Variants in TRIML2 observed in about 807,000 individuals in gnomAD.
TRIML2 encodes probable E3 ubiquitin-protein ligase TRIML2.
A neutral mutation model predicts 31.2 loss-of-function variants in TRIML2; 28 were observed. That is an observed-to-expected ratio of 0.90 (90% CI 0.66 to 1.23). TRIML2 has a LOEUF of 1.23. Ranked by LOEUF, TRIML2 falls within the 50% of genes most tolerant of loss-of-function variation. The pLI, the probability that TRIML2 is intolerant of heterozygous loss-of-function variation, is 0.00. For missense variants in TRIML2, 536 were observed against 528.3 expected, an observed-to-expected ratio of 1.01 and a Z score of -0.14; for synonymous variants, 187 against 197.5, an observed-to-expected ratio of 0.95 and a Z score of 0.45.
intron 7 of TRIML2, among the ~76,000 whole-genome samples, chr4:188,095,924 T>G (rs11132517): frequency 6.6e-6 from 1 of 152,202 alleles, no homozygotes; most frequent in Non-Finnish European, 1.5e-5. Flanking sequence ...TGCAGTATGC[T>G]GTCAGCCTCG....
chr4:188,091,297 G>A lies in TRIML2; in HGVS notation c.*76C>T, dbSNP rs1298225924. 46 of 1,440,074 alleles carry A rather than the reference G, an allele frequency of 3.2e-5. No homozygotes were observed. Among genetic ancestry groups the A allele is most frequent in the Non-Finnish European group, 4.3e-5 (45 of 1,055,518 alleles). The allele number at this position is 1,440,074 out of a possible 1,614,324, so 89.2% of individuals were successfully genotyped here. A position where few individuals can be genotyped will look rare whatever the true frequency, so the allele number is the denominator to read the frequency against. ...TCCTGGAACGCTTTTTATTGGGTTAGTTTACACAAATTCTTTCAAAGTCTT... is the reference window on the plus strand; with the variant it reads ...TCCTGGAACGCTTTTTATTGGGTTAATTTACACAAATTCTTTCAAAGTCTT... On this transcript the variant is annotated 3_prime_UTR_variant, in exon 8 of 8. Coordinates refer to ENST00000682553, the MANE Select transcript of TRIML2 (RefSeq NM_173553.4).
chr4:188,101,053 C>T lies in TRIML2; in HGVS notation c.480+3G>A, dbSNP rs1733762159. ...TATGAGGATGTTGTTTTCAATATCT[C>T]ACCTGTAGCATTTCCTGGAACATCT... On this transcript the variant is annotated splice_donor_region_variant and intron_variant, in intron 4 of 7. Transcript: ENST00000682553. The T allele has an allele frequency of 1.9e-6, 3 of 1,601,034 alleles. No homozygotes were observed. Among genetic ancestry groups the T allele is most frequent in the Non-Finnish European group, 1.7e-6 (2 of 1,172,298 alleles).
rs754893889 is a variant in TRIML2 at position 188,099,036 on chromosome 4, T to C, written c.620A>G (p.Lys207Arg). 4 of 1,614,060 alleles carry C rather than the reference T, an allele frequency of 2.5e-6. No individual in the cohort carries two copies. Among genetic ancestry groups the C allele is most frequent in the Non-Finnish European group, 3.4e-6 (4 of 1,180,028 alleles). The stretch of plus-strand genomic sequence containing the variant: ...ATTTTCTTTTTCCCAGCATCTTACC[T>C]TGAGCAATGCCAAGGTGCCTTCCCC... ...KCGEGTLALL[K>R]NAKYSLERSK... Residue 207 changes from lysine to arginine, a missense_variant and splice_region_variant, in exon 5 of 8, where the codon AAG becomes AGG. Physicochemically the swap from Lys to Arg is conservative, Grantham distance 26 (BLOSUM62 2). Transcript: ENST00000682553.
chr4:188,102,836 C>T (rs190817472), intron 3 of TRIML2, among the ~76,000 whole-genome samples: 1,552 of 140,958 alleles, frequency 0.011, 32 homozygotes, highest in African/African-American at 0.038. Flanking sequence ...GTAACAAGAA[C>T]GAAACTTCAT....
Position 188,105,346 on chromosome 4 carries a change from T to C in TRIML2, c.23A>G (p.Gln8Arg). The change falls in exon 2 of 8, where the codon CAG becomes CGG. Residue 8 changes from glutamine (Q) to arginine (R), a missense_variant. Physicochemically the swap from Gln to Arg is conservative, Grantham distance 43 (BLOSUM62 1). Coordinates refer to ENST00000682553, the MANE Select transcript of TRIML2 (RefSeq NM_173553.4). The part of the protein sequence containing the change: MSKRLSP[Q>R]LQHNITEDAY... The stretch of plus-strand genomic sequence containing the variant: ...ATCTTCTGTGATGTTGTGCTGTAAC[T>C]GAGGGCTGAGCCTTTTGGACATCCT... 4 of 1,590,462 alleles carry C rather than the reference T, an allele frequency of 2.5e-6. No homozygotes were observed. The highest frequency in any genetic ancestry group is 3.4e-6 in the Non-Finnish European group (4 of 1,164,930).
chr4:188,107,713 C>G (rs982503980), intron 1 of TRIML2, among the ~76,000 whole-genome samples: 1 of 152,260 alleles, frequency 6.6e-6, no homozygotes, highest in South Asian at 2.1e-4. Flanking sequence ...TGCTAAAAAA[C>G]CATTTTCACT....
intron 5 of TRIML2, among the ~76,000 whole-genome samples, 177 bp from the exon 6 acceptor site, chr4:188,097,523 G>A (rs1358367911): frequency 1.3e-5 from 2 of 152,136 alleles, no homozygotes; most frequent in Non-Finnish European, 2.9e-5. Context: ...TCAGAAAAAT[G>A]CATGAAATCA....
At chr4:188,106,200 C>A (rs1294673233) in intron 1 of TRIML2, among the ~76,000 whole-genome samples, 2 of 119,042 alleles carry the variant, frequency 1.7e-5, no homozygotes, top group Non-Finnish European at 3.4e-5. Context: ...CAGGCGCCCG[C>A]CACCTCGCCC....
intron 3 of TRIML2, among the ~76,000 whole-genome samples, chr4:188,103,235 C>G (rs1193956000): frequency 6.6e-6 from 1 of 151,904 alleles, no homozygotes; most frequent in South Asian, 2.1e-4. Flanking sequence ...CTCCTGACCT[C>G]GTGATCCGCC....
intron 5 of TRIML2, chr4:188,098,123 G>GGGA (rs1553995259): frequency 1.4e-5 from 3 of 209,476 alleles, no homozygotes; most frequent in African/African-American, 8.3e-5. Flanking sequence ...CCGTCTCGGG[G>GGGA]AAAAAAAAAA....
rs1733960867 is a variant in TRIML2, at chr4:188,104,915, T to C, written c.207A>G (p.Ile69Met). 6.2e-7 allele frequency: 1 copy of C among 1,613,838 alleles called. No homozygotes were observed. The highest frequency in any genetic ancestry group is 8.5e-7 in the Non-Finnish European group (1 of 1,179,742). Residue 69 changes from isoleucine to methionine, a missense_variant, in exon 3 of 8, where the codon ATA becomes ATG. Ile to Met is a conservative substitution (Grantham distance 10, BLOSUM62 1). Coordinates refer to ENST00000682553, the MANE Select transcript of TRIML2 (RefSeq NM_173553.4). Reference sequence around the variant, plus strand: ...CAAGTTTCTCCCTCGATGTGTTCAATATTTCCTGGAATAACTTCTATAGAG... The same window carrying C: ...CAAGTTTCTCCCTCGATGTGTTCAACATTTCCTGGAATAACTTCTATAGAG... Reference protein sequence around the residue: ...AENYRKLFQEILNTSREKLEA... With the variant: ...AENYRKLFQEMLNTSREKLEA...
chr4:188,093,556 G>A (rs548791450), intron 7 of TRIML2, among the ~76,000 whole-genome samples: 1 of 152,256 alleles, frequency 6.6e-6, no homozygotes, highest in South Asian at 2.1e-4. Flanking sequence ...CAGCTACTCA[G>A]GAGGGTGAGG....
rs543503937 is a variant in TRIML2 at position 188,098,741 on chromosome 4, T to G, written c.621+294A>C. ...TATAGAGCTGTTTTATTCTTTATGA[T>G]CACAGAATATTTCATTGCATGGAGG... is the stretch of plus-strand genomic sequence containing the variant. On this transcript the variant is annotated intron_variant, in intron 5 of 7. Transcript: ENST00000682553. The G allele has an allele frequency of 1.4e-5, 5 of 347,182 alleles. No homozygotes were observed. In the East Asian group the frequency reaches 2.4e-4, roughly 17 times the overall value. The allele number at this position is 347,182 out of a possible 1,614,324, so 21.5% of individuals were successfully genotyped here. A position where few individuals can be genotyped will look rare whatever the true frequency, so the allele number is the denominator to read the frequency against.
chr4:188,098,414 C>T (rs1332531380), intron 5 of TRIML2: 1 of 260,508 alleles, frequency 3.8e-6, no homozygotes, highest in Non-Finnish European at 7.9e-6. Context: ...GGGCTCTGCC[C>T]CCAGGCCCCA....
At chr4:188,096,516 G>A (rs183364214) in intron 7 of TRIML2, among the ~76,000 whole-genome samples, 2,587 of 69,588 alleles carry the variant, frequency 0.037, 109 homozygotes, top group African/African-American at 0.13. Flanking sequence ...TGGGCAAAGT[G>A]AAACTCTGTC....
At chr4:188,107,391 T>C (rs1322195767) in intron 1 of TRIML2, among the ~76,000 whole-genome samples, 3 of 152,188 alleles carry the variant, frequency 2.0e-5, no homozygotes, top group Non-Finnish European at 4.4e-5. Flanking sequence ...TTAACGCTCA[T>C]AAACAAAAGC....
chr4:188,100,742 T>C (rs191660059), intron 4 of TRIML2, among the ~76,000 whole-genome samples: 32 of 152,234 alleles, frequency 2.1e-4, no homozygotes, highest in Admixed American at 1.0e-3. Context: ...AGGTGAATTC[T>C]AAACCATGGC....
At chr4:188,093,696 G>A (rs1733367753) in intron 7 of TRIML2, among the ~76,000 whole-genome samples, 1 of 151,872 alleles carries the variant, frequency 6.6e-6, no homozygotes, top group Non-Finnish European at 1.5e-5. Context: ...GAAACAACAG[G>A]AGTATCTCAA....
intron 7 of TRIML2, among the ~76,000 whole-genome samples, chr4:188,092,489 C>CAAAA (rs1264288187): frequency 7.0e-6 from 1 of 142,036 alleles, no homozygotes; most frequent in Non-Finnish European, 1.6e-5. Context: ...AACAAACAAA[C>CAAAA]AAAAAACAGC....
Sources: allele counts gnomAD v4.1 joint callset (sites outside exome capture counted in the v4.1 genomes callset), GRCh38; gene constraint gnomAD v4.1.1; transcripts MANE v1.5; gene names NCBI Gene and HGNC (gene_info 2026-07-23, HGNC 2026-07-21).